NELFE: variants seen among roughly 807,000 people sequenced by gnomAD.
The protein encoded by NELFE is negative elongation factor E.
A neutral mutation model predicts 55.5 loss-of-function variants in NELFE; 26 were observed. That is an observed-to-expected ratio of 0.47 (90% CI 0.34 to 0.65). The LOEUF (loss-of-function observed/expected upper bound fraction) is 0.65, where lower values mean the gene tolerates loss of function less well. NELFE is among the 30% of genes least tolerant of loss of function. The pLI is 0.01. For missense variants in NELFE, 403 were observed against 506.9 expected (o/e 0.80, Z 1.97); for synonymous variants, 162 against 178.0 (o/e 0.91, Z 0.72).
rs1225390612 is a variant in NELFE at position 31,954,165 on chromosome 6, A to G, written c.888-31T>C. ...ATAAGAGAAAACACGGTCAGTGGAG[A>G]GCCAAGGGGCTCTTCTGGACCCAAC... On this transcript the variant is annotated intron_variant, in intron 8 of 10. Coordinates refer to ENST00000375429, the MANE Select transcript of NELFE (RefSeq NM_002904.6). This position sits in a 1 kb window ranked among gnomAD's most constrained non-coding sequence, Gnocchi z 5.5. 1.2e-6 allele frequency: 2 copies of G among 1,613,746 alleles called. No homozygotes were observed. Among genetic ancestry groups the G allele is most frequent in the Non-Finnish European group, 1.7e-6 (2 of 1,179,674 alleles).
In NELFE at chr6:31,958,881, G is replaced by C. The variant is rs1193454650; in HGVS notation, c.-9+11C>G. The stretch of plus-strand genomic sequence containing the variant: ...AAAAAGGGCCGAAGAGTGAGAAGCA[G>C]AGGGCCTTACCCGAGGGGGCGGCAA... On this transcript the variant is annotated intron_variant, in intron 1 of 10. Coordinates refer to ENST00000375429, the MANE Select transcript of NELFE (RefSeq NM_002904.6). 1.7e-6 allele frequency: 1 copy of C among 603,788 alleles called. No individual in the cohort carries two copies. The highest frequency in any genetic ancestry group is 2.9e-6 in the Non-Finnish European group (1 of 339,850). 37.4% of individuals were successfully genotyped at this position (603,788 alleles called of 1,614,324 possible).
rs780466374 is a variant in NELFE at position 31,954,633 on chromosome 6, G to A, written c.664C>T (p.Arg222Trp). ...RDRERDRDRD[R>W]DRDRDRERDR... is the part of the protein sequence containing the mutation. The stretch of plus-strand genomic sequence containing the variant: ...CGTTCCCGGTCTCGATCTCGATCCC[G>A]ATCCCGATCCCTGTCCCGCTCTCTG... The change falls in exon 7 of 11, where the codon CGG (arginine) becomes TGG (tryptophan). Residue 222 changes from arginine (R) to tryptophan (W), a missense_variant. Arg to Trp is a moderately radical substitution (Grantham distance 101). Coordinates refer to ENST00000375429, the MANE Select transcript of NELFE (RefSeq NM_002904.6). The surrounding 1 kb of genome is among the most constrained non-coding windows in gnomAD (Gnocchi z 5.5). 2.9e-5 allele frequency: 47 copies of A among 1,605,788 alleles called. No individual in the cohort carries two copies. The South Asian group carries it at 4.4e-4, about 15-fold the overall frequency.
At chr6:31,958,670 C>T (rs191115948) in intron 1 of NELFE, 8 of 703,418 alleles carry the variant, frequency 1.1e-5, no homozygotes, top group Admixed American at 8.0e-5. Flanking sequence ...GACACCAGCA[C>T]CTTTAGGTAC....
rs1468218935 is a variant in NELFE, at chr6:31,954,485, A to T, written c.743-43T>A. On this transcript the variant is annotated intron_variant, in intron 7 of 10. Coordinates refer to ENST00000375429, the MANE Select transcript of NELFE (RefSeq NM_002904.6). The surrounding 1 kb of genome is among the most constrained non-coding windows in gnomAD (Gnocchi z 5.5). ...ATAGTCACAAGACATAGACCATGCC[A>T]CATTTCACTTAGTAGGACCCACATA... The T allele has an allele frequency of 6.3e-7, 1 of 1,580,126 alleles. No homozygotes were observed. Among genetic ancestry groups the T allele is most frequent in the Non-Finnish European group, 8.6e-7 (1 of 1,160,524 alleles).
chr6:31,954,407 T>C lies in NELFE; in HGVS notation c.778A>G (p.Lys260Glu). 6.2e-7 allele frequency: 1 copy of C among 1,609,106 alleles called. No homozygotes were observed. The highest frequency in any genetic ancestry group is 8.5e-7 in the Non-Finnish European group (1 of 1,177,590). The change falls in exon 8 of 11, where the codon AAA becomes GAA. Residue 260 changes from lysine to glutamate, a missense_variant. Lys to Glu is a moderately conservative substitution (Grantham distance 56, BLOSUM62 1). Around this residue, in one of 3 missense-constraint regions of NELFE, gnomAD observed 229 missense variants for 228.3 expected, o/e 1.00. Coordinates refer to ENST00000375429, the MANE Select transcript of NELFE (RefSeq NM_002904.6). This position sits in a 1 kb window ranked among gnomAD's most constrained non-coding sequence, Gnocchi z 5.5. Reference sequence around the variant, plus strand: ...CCATATACATAGAGAGTATTCCCTTTCCTAGGGGCTCGCCGTTCAGGGAAT... The same window carrying C: ...CCATATACATAGAGAGTATTCCCTTCCCTAGGGGCTCGCCGTTCAGGGAAT... Reference protein sequence around the residue: ...DSFPERRAPRKGNTLYVYGED... With the variant: ...DSFPERRAPREGNTLYVYGED...
At chr6:31,952,463 C>G in intron 10 of NELFE, 65 bp from the exon 11 acceptor site, 1 of 1,202,146 alleles carries the variant, frequency 8.3e-7, no homozygotes, top group Non-Finnish European at 1.2e-6. Flanking sequence ...CTGAGGCTGA[C>G]TCCTGACCAC....
At chr6:31,955,608 T>C (rs1390231278) in intron 4 of NELFE, among the ~76,000 whole-genome samples, 1 of 151,144 alleles carries the variant, frequency 6.6e-6, no homozygotes, top group Non-Finnish European at 1.5e-5. Flanking sequence ...TCTACCATGC[T>C]TGGCTAATTT....
intron 4 of NELFE, 39 bp from the exon 5 acceptor site, chr6:31,955,332 G>A (rs748445762): frequency 6.7e-6 from 10 of 1,497,426 alleles, no homozygotes; most frequent in Non-Finnish European, 4.5e-6. Context: ...TGGAGCAGGA[G>A]GTTGCCCAAC....
rs763387908 is a variant in NELFE at position 31,952,415 on chromosome 6, G to A, written c.1046-17C>T. 6 of 1,587,542 alleles carry A rather than the reference G, an allele frequency of 3.8e-6. No homozygotes were observed. The highest frequency in any genetic ancestry group is 5.2e-6 in the Non-Finnish European group (6 of 1,156,502). On this transcript the variant is annotated splice_polypyrimidine_tract_variant and intron_variant, in intron 10 of 10. Transcript: ENST00000375429. Reference sequence around the variant, plus strand: ...TCTGGACAGCTAGGGAGGGAGGAGAGGAACAGTTAAGGTCTAAAGGAGATC... The same window carrying A: ...TCTGGACAGCTAGGGAGGGAGGAGAAGAACAGTTAAGGTCTAAAGGAGATC...
intron 1 of NELFE, 167 bp downstream of exon 1, chr6:31,958,725 G>C (rs1390729391): frequency 1.4e-6 from 1 of 702,422 alleles, no homozygotes; most frequent in Non-Finnish European, 2.6e-6. Flanking sequence ...TCGGAAAGAC[G>C]ATGGCACCCG....
chr6:31,958,319 TCA>T, intron 2 of NELFE, 51 bp downstream of exon 2: 1 of 1,525,094 alleles, frequency 6.6e-7, no homozygotes, highest in Non-Finnish European at 9.1e-7. Context: ...CCATATCTTC[TCA>T]GAGTGCAGAG....
chr6:31,953,637 C>T (rs1461411376), intron 10 of NELFE, 92 bp downstream of exon 10: 7 of 1,092,314 alleles, frequency 6.4e-6, no homozygotes, highest in Non-Finnish European at 8.5e-6. Flanking sequence ...ACTCTGACCT[C>T]GATCATCTCT....
rs1476983314 is a variant in NELFE at position 31,955,311 on chromosome 6, C to T, written c.292-18G>A. 6.5e-7 allele frequency: 1 copy of T among 1,545,202 alleles called. No homozygotes were observed. The highest frequency in any genetic ancestry group is 8.7e-7 in the Non-Finnish European group (1 of 1,148,754). On this transcript the variant is annotated intron_variant, in intron 4 of 10. Transcript: ENST00000375429. ...TCGGGGTCCTGGAGTGGTGAGAGACCTACCTCAGTGTGGAGCAGGAGGTTG... is the reference window on the plus strand; with the variant it reads ...TCGGGGTCCTGGAGTGGTGAGAGACTTACCTCAGTGTGGAGCAGGAGGTTG...
Position 31,956,799 on chromosome 6 carries a change from G to T in NELFE, c.185C>A (p.Thr62Lys). 1 of 1,613,058 alleles carries T rather than the reference G, an allele frequency of 6.2e-7. No homozygotes were observed. The highest frequency in any genetic ancestry group is 8.5e-7 in the Non-Finnish European group (1 of 1,180,032). ...CTTCACCAGCTGCTTTGCCTGCTCTGTTGCTGTGGCTGTGTCCATGACAGG... is the reference window on the plus strand; with the variant it reads ...CTTCACCAGCTGCTTTGCCTGCTCTTTTGCTGTGGCTGTGTCCATGACAGG... ...EQPVMDTATA[T>K]EQAKQLVKSG... The change falls in exon 4 of 11, where the codon ACA (threonine) becomes AAA (lysine). Residue 62 changes from threonine (T) to lysine (K), a missense_variant. Thr to Lys is a moderately conservative substitution (Grantham distance 78). Around this residue, in one of 3 missense-constraint regions of NELFE, gnomAD observed 97 missense variants for 155.3 expected, o/e 0.62. Transcript: ENST00000375429.
chr6:31,953,019 T>C (rs1317185063), intron 10 of NELFE, among the ~76,000 whole-genome samples: 1 of 152,178 alleles, frequency 6.6e-6, no homozygotes, highest in Non-Finnish European at 1.5e-5. Flanking sequence ...CTACAGAGAA[T>C]CTCTCTCACC....
intron 3 of NELFE, 39 bp from the exon 4 acceptor site, chr6:31,956,877 C>A: frequency 6.2e-7 from 1 of 1,613,020 alleles, no homozygotes; most frequent in Non-Finnish European, 8.5e-7. Context: ...GTTGGCCAAG[C>A]CATGATGAAG....
Position 31,956,683 on chromosome 6 carries a change from T to C in NELFE, c.291+10A>G. ...GATGCCCTTTAAACAATCTTTCTGC[T>C]TGTGCTCACCTTTAACTTCCCCTCA... On this transcript the variant is annotated intron_variant, in intron 4 of 10. Coordinates refer to ENST00000375429, the MANE Select transcript of NELFE (RefSeq NM_002904.6). 1 of 1,591,246 alleles carries C rather than the reference T, an allele frequency of 6.3e-7. No individual in the cohort carries two copies. Among genetic ancestry groups the C allele is most frequent in the Non-Finnish European group, 8.6e-7 (1 of 1,163,270 alleles).
intron 10 of NELFE, 148 bp from the exon 11 acceptor site, chr6:31,952,546 C>T (rs1771837061): frequency 1.7e-6 from 1 of 578,422 alleles, no homozygotes; most frequent in African/African-American, 1.9e-5. Flanking sequence ...GGCCTGTCTT[C>T]CTTAGCTCCT....
chr6:31,952,130 C>T lies in NELFE; in HGVS notation c.*171G>A, dbSNP rs1260518656. 3 of 1,533,334 alleles carry T rather than the reference C, an allele frequency of 2.0e-6. No individual in the cohort carries two copies. The allele number at this position is 1,533,334 out of a possible 1,614,324, so 95.0% of individuals were successfully genotyped here. On this transcript the variant is annotated 3_prime_UTR_variant, in exon 11 of 11. Transcript: ENST00000375429. ...GGGGCAAGGGAGTGGGGAACAGGCACTGGCCATGTTGTTACACTGAGATCA... is the reference window on the plus strand; with the variant it reads ...GGGGCAAGGGAGTGGGGAACAGGCATTGGCCATGTTGTTACACTGAGATCA...
Sources: allele counts gnomAD v4.1 joint callset (sites outside exome capture counted in the v4.1 genomes callset), GRCh38; gene constraint gnomAD v4.1.1; regional missense constraint gnomAD v4.1.1; non-coding constraint Gnocchi (gnomAD v3.1); transcripts MANE v1.5; gene names NCBI Gene and HGNC (gene_info 2026-07-23, HGNC 2026-07-21).